SLC35F4: variants seen among roughly 807,000 people sequenced by gnomAD.
SLC35F4 encodes solute carrier family 35 member F4.
In SLC35F4, 24 loss-of-function variants were observed where a neutral mutation model predicts 44.2. That is an observed-to-expected ratio of 0.54 (90% CI 0.39 to 0.76). The LOEUF is 0.76. Ranked by LOEUF, SLC35F4 falls within the 30% of genes least tolerant of loss-of-function variation. The pLI is 0.00. For synonymous variants in SLC35F4, 238 were observed against 223.6 expected, an observed-to-expected ratio of 1.06 and a Z score of -0.57; for missense variants, 562 against 586.1, an observed-to-expected ratio of 0.96 and a Z score of 0.42.
chr14:57,901,133 G>T (rs188677135), intron 1 of SLC35F4, among the ~76,000 whole-genome samples: 1 of 152,110 alleles, frequency 6.6e-6, no homozygotes, highest in Non-Finnish European at 1.5e-5. Context: ...AGACCTAGAG[G>T]CAGAAATACC....
rs538435964 is a variant in SLC35F4, at chr14:57,730,108, G to A, written c.103+135615C>T. On this transcript the variant is annotated intron_variant, in intron 1 of 7. Transcript: ENST00000556826. ...GGTACGGGGAAGGGGTAGTGCTGGT[G>A]ATTCAAGACTGTCTCTTTTGCTCTC... Among the ~76,000 whole-genome samples the A allele has an allele frequency of 2.6e-5, 4 of 152,344 alleles. No homozygotes were observed. The South Asian group carries it at 8.3e-4, about 32-fold the overall frequency.
At chr14:57,760,459 G>A in intron 1 of SLC35F4, among the ~76,000 whole-genome samples, 1 of 152,110 alleles carries the variant, frequency 6.6e-6, no homozygotes, top group East Asian at 1.9e-4. Flanking sequence ...AAATTAGCAA[G>A]TGTGAGGCCT....
chr14:57,963,592 C>T (rs1890378009), intron 1 of SLC35F4, among the ~76,000 whole-genome samples: 1 of 151,944 alleles, frequency 6.6e-6, no homozygotes, highest in Non-Finnish European at 1.5e-5. Flanking sequence ...TATCAGTAGT[C>T]AGTGTTTACA....
intron 1 of SLC35F4, among the ~76,000 whole-genome samples, chr14:57,597,823 A>C (rs1381703287): frequency 6.6e-6 from 1 of 152,122 alleles, no homozygotes. Flanking sequence ...CTCAATATAC[A>C]AGAGTATTGG....
chr14:57,594,223 T>C, intron 1 of SLC35F4, 99 bp from the exon 2 acceptor site: 8 of 1,178,088 alleles, frequency 6.8e-6, no homozygotes, highest in Non-Finnish European at 9.4e-6. Flanking sequence ...AGGGTCTCAC[T>C]CTGTCACCCA....
intron 1 of SLC35F4, among the ~76,000 whole-genome samples, chr14:57,939,926 TGG>T (rs1374776734): frequency 6.6e-6 from 1 of 152,220 alleles, no homozygotes; most frequent in Non-Finnish European, 1.5e-5. Context: ...AAATGGTAGC[TGG>T]GTTAAACAGG....
At position 57,790,706 on chromosome 14, in the gene SLC35F4, G is replaced by A. The variant is rs190539487; in HGVS notation, c.103+75017C>T. ...AATCCTAAGCGAAAAGAACAAGCTG[G>A]AGGCATCACACTACCTGACTTCAAA... On this transcript the variant is annotated intron_variant, in intron 1 of 7. Transcript: ENST00000556826. Among the ~76,000 whole-genome samples the A allele has an allele frequency of 7.5e-3, 1,147 of 152,234 alleles. 12 individuals carry two copies. The highest frequency in any genetic ancestry group is 0.012 in the Non-Finnish European group (783 of 68,006).
rs57272978 is a variant in SLC35F4, at chr14:57,776,665, CAAAAAAAAAAAAA to C, written c.103+89045_103+89057del. Among the ~76,000 whole-genome samples, 9 of 72,070 alleles carry C rather than the reference CAAAAAAAAAAAAA, an allele frequency of 1.2e-4. No homozygotes were observed. In the East Asian group the frequency reaches 4.9e-3, roughly 40 times the overall value. The allele number at this position is 72,070 out of a possible 152,430, so 47.3% of individuals were successfully genotyped here. Reference sequence around the variant, plus strand: ...TGGGCAGCAGAGCAAGACTCCATCTCAAAAAAAAAAAAAAAAAAAAAAAATTAAAGGCAGCTAG... The same window carrying C: ...TGGGCAGCAGAGCAAGACTCCATCTCAAAAAAAAAAATTAAAGGCAGCTAG... On this transcript the variant is annotated intron_variant, in intron 1 of 7. Coordinates refer to ENST00000556826, the MANE Select transcript of SLC35F4 (RefSeq NM_001306087.2).
chr14:57,946,948 C>T (rs1314968801), intron 1 of SLC35F4, among the ~76,000 whole-genome samples: 1 of 152,024 alleles, frequency 6.6e-6, no homozygotes, highest in Non-Finnish European at 1.5e-5. Context: ...CTTAGCCTTG[C>T]TTTGGCTATG....
chr14:57,643,418 A>T (rs192736135), intron 1 of SLC35F4, among the ~76,000 whole-genome samples: 1 of 152,124 alleles, frequency 6.6e-6, no homozygotes, highest in Non-Finnish European at 1.5e-5. Context: ...ACAATAATAC[A>T]TAATAATGGC....
At chr14:57,610,018 A>T (rs1478530662) in intron 1 of SLC35F4, among the ~76,000 whole-genome samples, 1 of 152,166 alleles carries the variant, frequency 6.6e-6, no homozygotes, top group Non-Finnish European at 1.5e-5. Context: ...GGAAACTTTG[A>T]CCCACACATC....
intron 1 of SLC35F4, among the ~76,000 whole-genome samples, chr14:57,708,664 T>C (rs1835199329): frequency 1.3e-5 from 2 of 151,704 alleles, no homozygotes; most frequent in Admixed American, 1.3e-4. Context: ...AGACGAGAGA[T>C]TGTAGAAATA....
chr14:57,908,147 A>T lies in SLC35F4; in HGVS notation n.282+73766T>A, dbSNP rs186542562. On this transcript the variant is annotated intron_variant and non_coding_transcript_variant, in intron 1 of 1. Coordinates refer to the SLC35F4 transcript ENST00000556568. Reference sequence around the variant, plus strand: ...TCATTCATTTTTATGGCTGCATAGTAGTCCATGGTTTATAAGTACCACATT... The same window carrying T: ...TCATTCATTTTTATGGCTGCATAGTTGTCCATGGTTTATAAGTACCACATT... 2.0e-5 allele frequency among the ~76,000 whole-genome samples: 3 copies of T among 152,340 alleles called. No individual in the cohort carries two copies. In the East Asian group the frequency reaches 5.8e-4, roughly 29 times the overall value.
intron 1 of SLC35F4, among the ~76,000 whole-genome samples, chr14:57,805,723 AC>A (rs1881239810): frequency 6.6e-6 from 1 of 152,190 alleles, no homozygotes; most frequent in Non-Finnish European, 1.5e-5. Flanking sequence ...CCACCATGGC[AC>A]ACGTTTACCT....
intron 1 of SLC35F4, among the ~76,000 whole-genome samples, chr14:57,776,691 T>TAAAAAAAAAAAA (rs2077498893): frequency 1.6e-5 from 2 of 126,576 alleles, no homozygotes; most frequent in African/African-American, 6.1e-5. Context: ...AAAAAAAAAT[T>TAAAAAAAAAAAA]AAAGGCAGCT....
intron 1 of SLC35F4, among the ~76,000 whole-genome samples, chr14:57,763,925 G>A (rs2077180726): frequency 6.6e-6 from 1 of 152,178 alleles, no homozygotes; most frequent in South Asian, 2.1e-4. Context: ...CCAATAAAAT[G>A]TGACACAAGA....
At chr14:57,826,026 A>G (rs574628505) in intron 1 of SLC35F4, among the ~76,000 whole-genome samples, 6 of 152,340 alleles carry the variant, frequency 3.9e-5, no homozygotes, top group Non-Finnish European at 5.9e-5. Flanking sequence ...TAAAATTTAT[A>G]TGGAACCAAA....
intron 1 of SLC35F4, among the ~76,000 whole-genome samples, chr14:57,756,639 T>G (rs1346812562): frequency 6.6e-6 from 1 of 151,948 alleles, no homozygotes; most frequent in Non-Finnish European, 1.5e-5. Context: ...CCTTACTGAC[T>G]TTTTATCTAC....
chr14:57,700,974 T>C (rs1360378625), intron 1 of SLC35F4, among the ~76,000 whole-genome samples: 1 of 152,056 alleles, frequency 6.6e-6, no homozygotes, highest in Non-Finnish European at 1.5e-5. Flanking sequence ...ATACTTTTTT[T>C]CTAGCTTAAA....
Sources: allele counts gnomAD v4.1 joint callset (sites outside exome capture counted in the v4.1 genomes callset), GRCh38; gene constraint gnomAD v4.1.1; transcripts MANE v1.5; gene names NCBI Gene and HGNC (gene_info 2026-07-23, HGNC 2026-07-21).